NCOA2: variants seen among roughly 807,000 people sequenced by gnomAD.
NCOA2 encodes class E basic helix-loop-helix protein 75.
In NCOA2, 21 loss-of-function variants were observed where a neutral mutation model predicts 145.1. The ratio of observed to expected loss-of-function variants is 0.14; its 90% confidence interval spans 0.10 to 0.21. NCOA2 has a LOEUF of 0.21. NCOA2 is among the 10% of genes least tolerant of loss of function. The pLI, the probability that NCOA2 is intolerant of heterozygous loss-of-function variation, is 1.00. For synonymous variants in NCOA2, 619 were observed against 637.5 expected, an observed-to-expected ratio of 0.97 and a Z score of 0.44; for missense variants, 1,472 against 1,837.6, an observed-to-expected ratio of 0.80 and a Z score of 3.64.
At chr8:70,184,304 A>G (rs929159128) in intron 4 of NCOA2, among the ~76,000 whole-genome samples, 2 of 152,204 alleles carry the variant, frequency 1.3e-5, no homozygotes, top group African/African-American at 2.4e-5. Flanking sequence ...TTACAAAAAA[A>G]GTGATCTGGG....
At chr8:70,407,364 CATTTT>C (rs1300808287), upstream of NCOA2, among the ~76,000 whole-genome samples, 1 of 152,164 alleles carries the variant, frequency 6.6e-6, no homozygotes, top group Non-Finnish European at 1.5e-5. Context: ...ATATTATTCT[CATTTT>C]ATGTACAATA....
At chr8:70,123,253 G>T (rs4236979) in intron 21 of NCOA2, among the ~76,000 whole-genome samples, 32,583 of 152,098 alleles carry the variant, frequency 0.21, 4,643 homozygotes, top group East Asian at 0.53. Flanking sequence ...TATCTGTGTC[G>T]GTCTCTTTGC....
intron 4 of NCOA2, among the ~76,000 whole-genome samples, chr8:70,178,502 A>T (rs1815112022): frequency 6.6e-6 from 1 of 152,218 alleles, no homozygotes; most frequent in Non-Finnish European, 1.5e-5. Context: ...AGCCCACATG[A>T]GGGAATGGAA....
chr8:70,408,206 A>G (rs1254801198), upstream of NCOA2, among the ~76,000 whole-genome samples: 1 of 152,194 alleles, frequency 6.6e-6, no homozygotes, highest in African/African-American at 2.4e-5. Context: ...TCAGTGCAAT[A>G]AGACAAGAAA....
chr8:70,126,077 C>A (rs933202973), intron 19 of NCOA2, among the ~76,000 whole-genome samples: 4 of 152,150 alleles, frequency 2.6e-5, no homozygotes, highest in African/African-American at 9.7e-5. Context: ...TGGATTTCGG[C>A]AACAGACTTC....
intron 1 of NCOA2, among the ~76,000 whole-genome samples, chr8:70,388,788 CAG>C (rs1401422760): frequency 1.3e-4 from 20 of 152,058 alleles, no homozygotes; most frequent in African/African-American, 4.8e-4. Flanking sequence ...CACACGCAGA[CAG>C]AAAGAGGTCT....
intron 4 of NCOA2, among the ~76,000 whole-genome samples, chr8:70,178,248 G>C (rs567082068): frequency 6.6e-6 from 1 of 152,248 alleles, no homozygotes; most frequent in South Asian, 2.1e-4. Context: ...TTATTTTTAG[G>C]AATTTATCAG....
chr8:70,274,241 T>C (rs975547173), intron 2 of NCOA2, among the ~76,000 whole-genome samples: 2 of 151,186 alleles, frequency 1.3e-5, no homozygotes, highest in African/African-American at 4.9e-5. Flanking sequence ...CAGGGACACA[T>C]TTAACTAAAG....
intron 4 of NCOA2, among the ~76,000 whole-genome samples, chr8:70,181,504 A>G (rs1174475725): frequency 2.0e-5 from 3 of 152,242 alleles, no homozygotes; most frequent in Admixed American, 6.5e-5. Context: ...AAGACTGCCC[A>G]TGTTTACAGA....
chr8:70,304,897 C>T (rs1827773108), intron 1 of NCOA2, among the ~76,000 whole-genome samples: 1 of 147,662 alleles, frequency 6.8e-6, no homozygotes. Context: ...TGCTCTATTG[C>T]TCAGGCTGGA....
Position 70,146,546 on chromosome 8 carries a change from C to T in NCOA2, c.2606-1698G>A, listed in dbSNP as rs189862507. ...TAGGGCTGAGAATGGAAATTATGTG[C>T]GTGCTTAATCATGACTTCCTCAGGT... On this transcript the variant is annotated intron_variant, in intron 12 of 22. Coordinates refer to ENST00000452400, the MANE Select transcript of NCOA2 (RefSeq NM_006540.4). Among the ~76,000 whole-genome samples the T allele has an allele frequency of 7.9e-5, 12 of 152,224 alleles. No homozygotes were observed. The East Asian group carries it at 2.3e-3, about 29-fold the overall frequency.
At chr8:70,433,376 G>A in the NCOA2 span, among the ~76,000 whole-genome samples, 79 of 151,898 alleles carry the variant, frequency 5.2e-4, 2 homozygotes, top group East Asian at 0.015. Flanking sequence ...ACTTTAGGTA[G>A]GAATTCACAT....
chr8:70,332,447 C>T (rs1807199377), intron 1 of NCOA2, among the ~76,000 whole-genome samples: 1 of 152,080 alleles, frequency 6.6e-6, no homozygotes, highest in African/African-American at 2.4e-5. Context: ...AACATTTTCC[C>T]AACTTCTTCT....
intron 16 of NCOA2, among the ~76,000 whole-genome samples, chr8:70,129,678 T>C (rs1023597363): frequency 2.0e-5 from 3 of 147,844 alleles, no homozygotes; most frequent in African/African-American, 7.4e-5. Flanking sequence ...CACTCCTGAC[T>C]TTTTTTTTTT....
intron 1 of NCOA2, among the ~76,000 whole-genome samples, chr8:70,385,059 C>T (rs953474931): frequency 6.6e-6 from 1 of 152,168 alleles, no homozygotes; most frequent in African/African-American, 2.4e-5. Context: ...ATTTCTGTTA[C>T]ACCCTTCAAT....
chr8:70,307,490 G>A (rs1411222952), intron 1 of NCOA2, among the ~76,000 whole-genome samples: 1 of 152,118 alleles, frequency 6.6e-6, no homozygotes, highest in Non-Finnish European at 1.5e-5. Context: ...CTAATTTCAT[G>A]CTTTCATTTT....
At chr8:70,329,177 G>A (rs780892581) in intron 1 of NCOA2, among the ~76,000 whole-genome samples, 2 of 152,130 alleles carry the variant, frequency 1.3e-5, no homozygotes, top group Non-Finnish European at 2.9e-5. Flanking sequence ...CAGGAGTGCA[G>A]TGGTGCTATC....
intron 4 of NCOA2, among the ~76,000 whole-genome samples, chr8:70,177,613 A>ATT (rs1815015912): frequency 6.6e-6 from 1 of 152,220 alleles, no homozygotes; most frequent in African/African-American, 2.4e-5. Context: ...GGGTTTCCTA[A>ATT]AAACTGGTCT....
rs1825958030 is a variant in NCOA2, at chr8:70,282,505, G to GCTGGTCT, written c.-20+14238_-20+14239insAGACCAG. Reference sequence around the variant, plus strand: ...GTTCAAGACCAGCCTGGTCAACATGGTGAAACCCCATCTCTACCAAAAATA... The same window carrying GCTGGTCT: ...GTTCAAGACCAGCCTGGTCAACATGGCTGGTCTTGAAACCCCATCTCTACCAAAAATA... On this transcript the variant is annotated intron_variant, in intron 2 of 22. Coordinates refer to ENST00000452400, the MANE Select transcript of NCOA2 (RefSeq NM_006540.4). Among the ~76,000 whole-genome samples the GCTGGTCT allele has an allele frequency of 3.3e-5, 5 of 152,162 alleles. No homozygotes were observed. The South Asian group carries it at 1.0e-3, about 32-fold the overall frequency.
Sources: allele counts gnomAD v4.1 joint callset (sites outside exome capture counted in the v4.1 genomes callset), GRCh38; gene constraint gnomAD v4.1.1; transcripts MANE v1.5; gene names NCBI Gene and HGNC (gene_info 2026-07-23, HGNC 2026-07-21).